The following SLX4IP variants were observed in gnomAD, a reference collection of about 807,000 sequenced individuals.
SLX4IP encodes SLX4 interacting protein, also known as protein SLX4IP.
Under a neutral mutation model 32.9 loss-of-function variants are expected in SLX4IP, and 34 were observed. The ratio of observed to expected loss-of-function variants is 1.03; its 90% confidence interval spans 0.79 to 1.38. The LOEUF (loss-of-function observed/expected upper bound fraction) is 1.38, where lower values mean the gene tolerates loss of function less well. SLX4IP is among the 40% of genes most tolerant of loss of function. The probability of loss-of-function intolerance (pLI) is 0.00; values close to 1 mark genes in which losing one functional copy is unlikely to be tolerated. For synonymous variants in SLX4IP, 172 were observed against 171.7 expected (o/e 1.00, Z -0.01); for missense variants, 444 against 479.0 (o/e 0.93, Z 0.68).
At chr20:10,493,556 C>CT (rs1555808895) in intron 2 of SLX4IP, among the ~76,000 whole-genome samples, 12 of 151,614 alleles carry the variant, frequency 7.9e-5, no homozygotes, top group African/African-American at 2.7e-4. Flanking sequence ...TCATTAAGTT[C>CT]TTTTTTTTCA....
intron 5 of SLX4IP, among the ~76,000 whole-genome samples, chr20:10,600,939 A>G (rs943203013): frequency 6.6e-6 from 1 of 152,184 alleles, no homozygotes; most frequent in Admixed American, 6.5e-5. Flanking sequence ...TCCAGACATC[A>G]TGCCTGGGTA....
chr20:10,443,222 A>C (rs894517755), intron 1 of SLX4IP, among the ~76,000 whole-genome samples: 5 of 152,196 alleles, frequency 3.3e-5, no homozygotes, highest in Non-Finnish European at 5.9e-5. Flanking sequence ...TAAATCTAAA[A>C]AAAAACAAAA....
intron 4 of SLX4IP, among the ~76,000 whole-genome samples, chr20:10,584,201 G>A (rs1474539377): frequency 3.3e-5 from 5 of 152,096 alleles, no homozygotes; most frequent in African/African-American, 1.2e-4. Context: ...AAACAAAGAA[G>A]GCATGAGACC....
intron 2 of SLX4IP, among the ~76,000 whole-genome samples, chr20:10,508,155 T>C (rs1318565404): frequency 6.6e-6 from 1 of 152,180 alleles, no homozygotes; most frequent in African/African-American, 2.4e-5. Context: ...CTTGGCAGGT[T>C]GTGGCCCAGT....
intron 2 of SLX4IP, among the ~76,000 whole-genome samples, chr20:10,538,817 G>A (rs1159792960): frequency 2.0e-5 from 3 of 152,296 alleles, no homozygotes; most frequent in Non-Finnish European, 4.4e-5. Context: ...GTGAGCCACC[G>A]CACCAGACCT....
chr20:10,451,542 C>A (rs2065242329), intron 1 of SLX4IP, among the ~76,000 whole-genome samples: 1 of 152,174 alleles, frequency 6.6e-6, no homozygotes, highest in African/African-American at 2.4e-5. Context: ...GAGCACCTGA[C>A]ACATGACCAG....
intron 2 of SLX4IP, among the ~76,000 whole-genome samples, chr20:10,463,440 G>T (rs1024197522): frequency 6.6e-6 from 1 of 152,088 alleles, no homozygotes; most frequent in African/African-American, 2.4e-5. Flanking sequence ...AGGGGAGGAG[G>T]TCAGAGAGAC....
At chr20:10,439,763 CT>C (rs1207708479) in intron 1 of SLX4IP, among the ~76,000 whole-genome samples, 1 of 152,162 alleles carries the variant, frequency 6.6e-6, no homozygotes, top group East Asian at 1.9e-4. Flanking sequence ...CTCAAGTCTA[CT>C]TTTTAGAGAT....
rs1459442534 is a variant in SLX4IP at position 10,624,571 on chromosome 20, T to G, written c.*1192T>G. On this transcript the variant is annotated 3_prime_UTR_variant, in exon 8 of 8. Coordinates refer to ENST00000334534, the MANE Select transcript of SLX4IP (RefSeq NM_001009608.3). ...TTCATTCAATACATCTTTTTTTTTT[T>G]TCTGTTCAACATGGGGTGGTCCTTT... The G allele has an allele frequency of 6.6e-6, 1 of 152,178 alleles. No homozygotes were observed. The highest frequency in any genetic ancestry group is 2.4e-5 in the African/African-American group (1 of 41,436). The allele number at this position is 152,178 out of a possible 1,614,324, so 9.4% of individuals were successfully genotyped here.
chr20:10,490,740 A>T (rs185597457), intron 2 of SLX4IP, among the ~76,000 whole-genome samples: 72 of 152,216 alleles, frequency 4.7e-4, no homozygotes, highest in African/African-American at 1.6e-3. Context: ...CCATATAGTG[A>T]CTTACAGTGT....
chr20:10,463,053 C>T (rs1358908298), intron 2 of SLX4IP, among the ~76,000 whole-genome samples: 1 of 152,090 alleles, frequency 6.6e-6, no homozygotes, highest in African/African-American at 2.4e-5. Context: ...GACCCTGTCT[C>T]TAAAAACAAC....
intron 2 of SLX4IP, among the ~76,000 whole-genome samples, chr20:10,504,687 G>A (rs943306555): frequency 3.3e-5 from 5 of 152,144 alleles, no homozygotes; most frequent in Admixed American, 2.6e-4. Context: ...GGGCCTCTGC[G>A]AGGCTTGTGG....
At chr20:10,472,331 C>T (rs905880418) in intron 2 of SLX4IP, among the ~76,000 whole-genome samples, 24 of 151,646 alleles carry the variant, frequency 1.6e-4, no homozygotes, top group African/African-American at 3.6e-4. Context: ...CCCAGGTTCA[C>T]GCTATTCTCC....
At chr20:10,481,326 C>T (rs914021954) in intron 2 of SLX4IP, among the ~76,000 whole-genome samples, 1 of 152,158 alleles carries the variant, frequency 6.6e-6, no homozygotes, top group African/African-American at 2.4e-5. Flanking sequence ...GATATGGAGT[C>T]ATCTTAAGTG....
chr20:10,460,485 G>C (rs1402062673), intron 2 of SLX4IP, among the ~76,000 whole-genome samples: 1 of 152,188 alleles, frequency 6.6e-6, no homozygotes, highest in Non-Finnish European at 1.5e-5. Context: ...TGCTGGCTTT[G>C]GTTGGAATCA....
chr20:10,562,741 AT>A (rs1049455934), intron 4 of SLX4IP, among the ~76,000 whole-genome samples: 2 of 151,826 alleles, frequency 1.3e-5, no homozygotes. Context: ...TTATTTATTT[AT>A]TTTTTTGTAT....
intron 4 of SLX4IP, among the ~76,000 whole-genome samples, chr20:10,593,262 A>G (rs1478385738): frequency 6.6e-6 from 1 of 152,230 alleles, no homozygotes; most frequent in Non-Finnish European, 1.5e-5. Flanking sequence ...TTTCTTTGAA[A>G]TTATCATTAG....
intron 2 of SLX4IP, among the ~76,000 whole-genome samples, chr20:10,505,013 AAC>A (rs2065747356): frequency 6.6e-6 from 1 of 152,264 alleles, no homozygotes; most frequent in African/African-American, 2.4e-5. Context: ...AACTGAGAAT[AAC>A]AGTTTGTGCA....
At chr20:10,491,136 A>G (rs1349994185) in intron 2 of SLX4IP, among the ~76,000 whole-genome samples, 3 of 152,114 alleles carry the variant, frequency 2.0e-5, no homozygotes, top group African/African-American at 7.2e-5. Context: ...TCACTTGCAG[A>G]TGTAATTCTT....
Sources: gnomAD v4.1 joint callset for allele counts (sites outside exome capture counted in the v4.1 genomes callset) on GRCh38, gnomAD v4.1.1 for gene constraint, MANE v1.5 for transcripts, NCBI Gene and HGNC (gene_info 2026-07-23, HGNC 2026-07-21) for gene names.